The following EPRS1 variants were observed in gnomAD, a reference collection of about 807,000 sequenced individuals.
The protein encoded by EPRS1 is bifunctional glutamate/proline--tRNA ligase.
In EPRS1, 107 loss-of-function variants were observed where a neutral mutation model predicts 188.3. The ratio of observed to expected loss-of-function variants is 0.57; its 90% CI spans 0.49 to 0.67. The LOEUF (loss-of-function observed/expected upper bound fraction) is 0.67. EPRS1 is among the 30% of genes least tolerant of loss of function. The probability of loss-of-function intolerance (pLI) is 0.00; values close to 1 mark genes in which losing one functional copy is unlikely to be tolerated. For synonymous variants in EPRS1, 596 were observed against 593.1 expected (o/e 1.00, Z -0.07); for missense variants, 1,577 against 1,802.2 (o/e 0.88, Z 2.26).
At chr1:219,971,576 T>C (rs1041489379) in intron 30 of EPRS1, among the ~76,000 whole-genome samples, 3 of 151,946 alleles carry the variant, frequency 2.0e-5, no homozygotes, top group Non-Finnish European at 4.4e-5. Flanking sequence ...GCTCTAAAGC[T>C]AGAACAATGG....
intron 30 of EPRS1, among the ~76,000 whole-genome samples, chr1:219,971,850 CTATA>C (rs1363690084): frequency 8.8e-6 from 1 of 113,636 alleles, no homozygotes; most frequent in Admixed American, 9.3e-5. Flanking sequence ...AAAACAAAGA[CTATA>C]TATTTAGATT....
intron 23 of EPRS1, 132 bp downstream of exon 23, chr1:219,982,640 C>A: frequency 1.5e-6 from 1 of 677,266 alleles, no homozygotes; most frequent in South Asian, 2.1e-5. Flanking sequence ...ATTCAATCTT[C>A]ATCAACATTC....
rs180924540 is a variant in EPRS1, at chr1:219,976,134, C to T, written c.4083+2412G>A. Among the ~76,000 whole-genome samples, 350 of 152,122 alleles carry T rather than the reference C, an allele frequency of 2.3e-3. 2 individuals carry two copies. Among genetic ancestry groups the T allele is most frequent in the African/African-American group, 7.4e-3 (305 of 41,490 alleles). ...CTTTAAGGGATCCTAATGGTCAAGC[C>T]GAAGACACTTTGAGCATCAAAACAA... On this transcript the variant is annotated intron_variant, in intron 28 of 31. Transcript: ENST00000366923.
At chr1:220,039,614 G>A (rs1453806156) in intron 2 of EPRS1, among the ~76,000 whole-genome samples, 2 of 151,682 alleles carry the variant, frequency 1.3e-5, no homozygotes, top group South Asian at 2.1e-4. Context: ...CGCCTCCCAG[G>A]TTCAAGCAAT....
chr1:219,976,770 T>C (rs1028245274), intron 28 of EPRS1, among the ~76,000 whole-genome samples: 2 of 152,156 alleles, frequency 1.3e-5, no homozygotes, highest in African/African-American at 4.8e-5. Flanking sequence ...AAAGTGAAAG[T>C]TGGAAAGGTA....
Position 219,968,709 on chromosome 1 carries a change from T to A in EPRS1, c.*97A>T, listed in dbSNP as rs1571824120. 7.9e-7 allele frequency: 1 copy of A among 1,265,956 alleles called. No homozygotes were observed. The highest frequency in any genetic ancestry group is 2.0e-4 in the Middle Eastern group (1 of 5,004). The allele number at this position is 1,265,956 out of a possible 1,614,324, so 78.4% of individuals were successfully genotyped here. On this transcript the variant is annotated 3_prime_UTR_variant, in exon 32 of 32. Coordinates refer to ENST00000366923, the MANE Select transcript of EPRS1 (RefSeq NM_004446.3). ...TGTGACTTCATTTTAGAACTTTTAC[T>A]TTTTAAAAAATCATAAAACGGTCTG...
chr1:219,990,764 G>A (rs1661104304), intron 18 of EPRS1, among the ~76,000 whole-genome samples: 4 of 152,140 alleles, frequency 2.6e-5, no homozygotes, highest in Admixed American at 2.0e-4. Context: ...ACAAATGGAT[G>A]GAGAACAAAT....
Position 220,020,236 on chromosome 1 carries a change from A to C in EPRS1, c.1116-15T>G, listed in dbSNP as rs757597231. ...TTGGATAAACACTAGAAAAAAAGAA[A>C]ATAAAATAAACAAAACATTTTACCC... On this transcript the variant is annotated splice_polypyrimidine_tract_variant and intron_variant, in intron 9 of 31. Transcript: ENST00000366923. The C allele has an allele frequency of 2.0e-6, 3 of 1,514,588 alleles. No homozygotes were observed. Among genetic ancestry groups the C allele is most frequent in the Non-Finnish European group, 2.7e-6 (3 of 1,096,192 alleles). 93.8% of individuals were successfully genotyped at this position (1,514,588 alleles called of 1,614,324 possible).
rs1661339879 is a variant in EPRS1, at chr1:220,001,039, T to C, written c.2181+99A>G. ...CAAGACTTAACTGTCTTCTTCAGTC[T>C]CCACAGTAAGAAAGATAATCATCTG... On this transcript the variant is annotated intron_variant, in intron 17 of 31. Coordinates refer to ENST00000366923, the MANE Select transcript of EPRS1 (RefSeq NM_004446.3). 5 of 752,702 alleles carry C rather than the reference T, an allele frequency of 6.6e-6. No homozygotes were observed. In the Admixed American group the frequency reaches 1.0e-4, roughly 15 times the overall value. The allele number at this position is 752,702 out of a possible 1,614,324, so 46.6% of individuals were successfully genotyped here.
intron 12 of EPRS1, among the ~76,000 whole-genome samples, chr1:220,016,616 A>C: frequency 1.0e-5 from 1 of 96,886 alleles, no homozygotes. Flanking sequence ...ATGGGGTATC[A>C]CTATGTTGTC....
At chr1:219,984,149 A>T in intron 21 of EPRS1, 57 bp downstream of exon 21, 1 of 1,232,748 alleles carries the variant, frequency 8.1e-7, no homozygotes, top group East Asian at 2.3e-5. Context: ...GAATCTGAAC[A>T]TAAAAAGCAG....
At chr1:220,003,474 T>C (rs775328168) in intron 16 of EPRS1, among the ~76,000 whole-genome samples, 11 of 152,210 alleles carry the variant, frequency 7.2e-5, no homozygotes, top group Admixed American at 2.0e-4. Flanking sequence ...CAAAACAGCA[T>C]TGCCAAGGTT....
At chr1:220,039,932 A>G (rs1662261469) in intron 2 of EPRS1, among the ~76,000 whole-genome samples, 1 of 152,190 alleles carries the variant, frequency 6.6e-6, no homozygotes, top group Admixed American at 6.5e-5. Flanking sequence ...GGGGTTCGAA[A>G]CTGGGCTGGG....
At chr1:219,987,102 TC>T in intron 20 of EPRS1, 39 bp downstream of exon 20, 1 of 1,575,518 alleles carries the variant, frequency 6.3e-7, no homozygotes, top group Non-Finnish European at 8.6e-7. Context: ...TTGAATTAAT[TC>T]ACTGCTTTGC....
intron 18 of EPRS1, among the ~76,000 whole-genome samples, chr1:219,994,819 A>T (rs920145286): frequency 6.6e-6 from 1 of 151,688 alleles, no homozygotes; most frequent in Non-Finnish European, 1.5e-5. Flanking sequence ...CACCCAGCTA[A>T]TTTTTTGCAT....
At position 219,983,415 on chromosome 1, in the gene EPRS1, T is replaced by G. The variant is rs759637125; in HGVS notation, c.3091-17A>C. ...TGTGATGACCTTTTTAAAAGAAAAATAGTCTTTAAAGCTTACATTGAACCA... is the reference window on the plus strand; with the variant it reads ...TGTGATGACCTTTTTAAAAGAAAAAGAGTCTTTAAAGCTTACATTGAACCA... On this transcript the variant is annotated splice_polypyrimidine_tract_variant and intron_variant, in intron 21 of 31. Coordinates refer to ENST00000366923, the MANE Select transcript of EPRS1 (RefSeq NM_004446.3). The G allele has an allele frequency of 6.3e-7, 1 of 1,588,826 alleles. No homozygotes were observed.
Position 220,026,465 on chromosome 1 carries a change from C to T in EPRS1, c.624-1207G>A, listed in dbSNP as rs573660615. On this transcript the variant is annotated intron_variant, in intron 6 of 31. Coordinates refer to ENST00000366923, the MANE Select transcript of EPRS1 (RefSeq NM_004446.3). ...AGCAAGGAAGTTTAATCAGCTTTCACCAACTTGTATTAGTTTCAAATTATA... is the reference window on the plus strand; with the variant it reads ...AGCAAGGAAGTTTAATCAGCTTTCATCAACTTGTATTAGTTTCAAATTATA... 2.0e-5 allele frequency among the ~76,000 whole-genome samples: 3 copies of T among 152,242 alleles called. No homozygotes were observed. In the East Asian group the frequency reaches 5.8e-4, roughly 29 times the overall value.
chr1:219,984,988 G>A (rs1389158788), intron 20 of EPRS1, among the ~76,000 whole-genome samples: 3 of 150,870 alleles, frequency 2.0e-5, no homozygotes, highest in Non-Finnish European at 2.9e-5. Flanking sequence ...AGGCTGCAGT[G>A]AGCCGAGATT....
chr1:219,996,946 C>CT, intron 18 of EPRS1, 37 bp downstream of exon 18: 1 of 1,529,074 alleles, frequency 6.5e-7, no homozygotes, highest in South Asian at 1.3e-5. Flanking sequence ...AATTCACACA[C>CT]TGAAAATGTG....
Sources: gnomAD v4.1 joint callset for allele counts (sites outside exome capture counted in the v4.1 genomes callset) on GRCh38, gnomAD v4.1.1 for gene constraint, MANE v1.5 for transcripts, NCBI Gene and HGNC (gene_info 2026-07-23, HGNC 2026-07-21) for gene names.